COQ5: variants seen among roughly 807,000 people sequenced by gnomAD.
The protein encoded by COQ5 is 2-methoxy-6-polyprenyl-1,4-benzoquinol methylase, mitochondrial.
In COQ5, 27 loss-of-function variants were observed where a neutral mutation model predicts 40.5. The observed-to-expected ratio is 0.67, with a 90% confidence interval of 0.49 to 0.92. COQ5 has a LOEUF of 0.92. COQ5 is among the 40% of genes least tolerant of loss of function. COQ5 has a pLI of 0.00. For missense variants in COQ5, 409 were observed against 406.4 expected (o/e 1.01, Z -0.06); for synonymous variants, 141 against 150.0 (o/e 0.94, Z 0.44).
intron 1 of COQ5, 156 bp from the exon 2 acceptor site, chr12:120,522,519 A>G (rs1261343106): frequency 7.0e-6 from 5 of 713,260 alleles, no homozygotes; most frequent in Non-Finnish European, 7.4e-6. Flanking sequence ...ACACCTTAAC[A>G]TTACCTCTTT....
chr12:120,524,805 G>A (rs1249953853), intron 1 of COQ5, among the ~76,000 whole-genome samples: 1 of 151,462 alleles, frequency 6.6e-6, no homozygotes, highest in Non-Finnish European at 1.5e-5. Context: ...TTCCAAGTGC[G>A]CTCTTTCCTT....
intron 3 of COQ5, among the ~76,000 whole-genome samples, chr12:120,512,484 C>T (rs1231725178): frequency 6.6e-6 from 1 of 151,824 alleles, no homozygotes; most frequent in Non-Finnish European, 1.5e-5. Context: ...GCCTGTAATC[C>T]CAGCTACTTG....
chr12:120,522,834 G>A, intron 1 of COQ5: 1 of 685,496 alleles, frequency 1.5e-6, no homozygotes. Flanking sequence ...GTAGGCAAGT[G>A]GATCGAGCTT....
At chr12:120,517,545 G>A (rs1869436616) in intron 2 of COQ5, among the ~76,000 whole-genome samples, 1 of 149,824 alleles carries the variant, frequency 6.7e-6, no homozygotes, top group Non-Finnish European at 1.5e-5. Context: ...AGCCAGGCGT[G>A]GTGGTGGGTG....
intron 2 of COQ5, among the ~76,000 whole-genome samples, chr12:120,519,784 C>T (rs1185884024): frequency 2.0e-5 from 3 of 150,108 alleles, no homozygotes; most frequent in South Asian, 2.1e-4. Flanking sequence ...GCAGGAAAAT[C>T]GCTTGAACCT....
At chr12:120,518,248 A>G (rs1479054314) in intron 2 of COQ5, among the ~76,000 whole-genome samples, 1 of 152,082 alleles carries the variant, frequency 6.6e-6, no homozygotes, top group Non-Finnish European at 1.5e-5. Context: ...TAACATGGTG[A>G]AACTCAGTCT....
intron 1 of COQ5, 29 bp from the exon 2 acceptor site, chr12:120,522,392 G>A: frequency 6.2e-7 from 1 of 1,607,582 alleles, no homozygotes; most frequent in East Asian, 2.2e-5. Context: ...ACACAATAGT[G>A]CTATTAACAG....
At chr12:120,506,559 G>GT (rs1868890712) in intron 4 of COQ5, among the ~76,000 whole-genome samples, 1 of 151,946 alleles carries the variant, frequency 6.6e-6, no homozygotes, top group African/African-American at 2.4e-5. Flanking sequence ...TAGAGATGGA[G>GT]TTTCGCCATG....
chr12:120,525,588 T>C (rs1869896226), intron 1 of COQ5, among the ~76,000 whole-genome samples: 1 of 151,932 alleles, frequency 6.6e-6, no homozygotes, highest in South Asian at 2.1e-4. Context: ...TGAATAGACA[T>C]TGTACCCCAG....
intron 1 of COQ5, among the ~76,000 whole-genome samples, chr12:120,524,623 C>T (rs555488063): frequency 6.6e-6 from 1 of 152,202 alleles, no homozygotes; most frequent in South Asian, 2.1e-4. Flanking sequence ...TATATCAGTG[C>T]CAGCTCCCTA....
At chr12:120,527,705 C>A (rs1167727) in intron 1 of COQ5, among the ~76,000 whole-genome samples, 120,098 of 151,914 alleles carry the variant, frequency 0.79, 47,855 homozygotes, top group Admixed American at 0.85. Flanking sequence ...ATACATTGGC[C>A]GGTGTGGTGG....
intron 1 of COQ5, among the ~76,000 whole-genome samples, chr12:120,527,972 G>A (rs1199928936): frequency 1.7e-4 from 17 of 98,570 alleles, no homozygotes; most frequent in African/African-American, 5.8e-4. Flanking sequence ...GGGGGTGACA[G>A]AGAGAGACTC....
intron 3 of COQ5, among the ~76,000 whole-genome samples, chr12:120,514,007 G>A (rs1011732365): frequency 4.6e-5 from 7 of 152,134 alleles, no homozygotes; most frequent in East Asian, 3.8e-4. Flanking sequence ...AGGAGAGCTC[G>A]ACGGGCAGGC....
chr12:120,506,115 A>G (rs531200244), intron 4 of COQ5, among the ~76,000 whole-genome samples: 1 of 152,230 alleles, frequency 6.6e-6, no homozygotes, highest in South Asian at 2.1e-4. Context: ...TCGGCCTCAC[A>G]AGGTGCTAGG....
intron 1 of COQ5, among the ~76,000 whole-genome samples, chr12:120,525,052 C>A (rs2137093989): frequency 6.6e-6 from 1 of 151,656 alleles, no homozygotes; most frequent in East Asian, 2.0e-4. Context: ...CTCAGATCTG[C>A]CCGCCTTGGC....
Position 120,522,305 on chromosome 12 carries a change from A to G in COQ5, c.261T>C (p.Ser87=). ...CCTTCCAAACACGATGGATACCAAG[A>G]CTCATCATATCATTCATCACATCAT... ...KKYDVMNDMM[S]LGIHRVWKDL... The change falls in exon 2 of 7, where the codon AGT becomes AGC. Residue 87 remains serine (S), a synonymous_variant. Transcript: ENST00000288532. 6.2e-7 allele frequency: 1 copy of G among 1,613,720 alleles called. No individual in the cohort carries two copies. Among genetic ancestry groups the G allele is most frequent in the Non-Finnish European group, 8.5e-7 (1 of 1,179,708 alleles).
chr12:120,522,249 G>C lies in COQ5; in HGVS notation c.317C>G (p.Pro106Arg). Residue 106 changes from proline (P) to arginine (R), a missense_variant, in exon 2 of 7, where the codon CCT becomes CGT. Physicochemically the swap from Pro to Arg is moderately radical, Grantham distance 103. Transcript: ENST00000288532. The stretch of plus-strand genomic sequence containing the variant: ...AGCAACATCAAGCAGCTGGGTCCCA[G>C]GAAGCGGGTGCATCTTCCAGAGCAG... ...DLLLWKMHPL[P>R]GTQLLDVAGG... The C allele has an allele frequency of 6.2e-7, 1 of 1,614,132 alleles. No homozygotes were observed. Among genetic ancestry groups the C allele is most frequent in the Non-Finnish European group, 8.5e-7 (1 of 1,180,016 alleles).
intron 1 of COQ5, chr12:120,526,421 C>T (rs1869946362): frequency 2.2e-6 from 1 of 454,572 alleles, no homozygotes; most frequent in Non-Finnish European, 4.4e-6. Flanking sequence ...AGACTCTAGA[C>T]ATACAGCCAG....
intron 1 of COQ5, among the ~76,000 whole-genome samples, chr12:120,526,006 C>T (rs1460937704): frequency 6.6e-6 from 1 of 152,220 alleles, no homozygotes; most frequent in East Asian, 1.9e-4. Context: ...ATTTCAGTTA[C>T]TGTGGTTTAG....
Sources: gnomAD v4.1 joint callset for allele counts (sites outside exome capture counted in the v4.1 genomes callset) on GRCh38, gnomAD v4.1.1 for gene constraint, MANE v1.5 for transcripts, NCBI Gene and HGNC (gene_info 2026-07-23, HGNC 2026-07-21) for gene names.